TOM1L2: variants seen among roughly 807,000 people sequenced by gnomAD.
TOM1L2 encodes the protein target of myb1 like 2 membrane trafficking protein.
In TOM1L2, 31 loss-of-function variants were observed where a neutral mutation model predicts 67.9. That is an observed-to-expected ratio of 0.46 (90% CI 0.34 to 0.62). The LOEUF is 0.62. Ranked by LOEUF, TOM1L2 falls within the 20% of genes least tolerant of loss-of-function variation. The probability of loss-of-function intolerance (pLI) is 0.01; values close to 1 mark genes in which losing one functional copy is unlikely to be tolerated. For synonymous variants in TOM1L2, 256 were observed against 254.0 expected (o/e 1.01, Z -0.07); for missense variants, 606 against 663.5 (o/e 0.91, Z 0.95).
chr17:17,913,534 G>A (rs1053710755), intron 1 of TOM1L2, among the ~76,000 whole-genome samples: 2 of 152,144 alleles, frequency 1.3e-5, no homozygotes, highest in Non-Finnish European at 2.9e-5. Flanking sequence ...ACTGATTTGA[G>A]CTCCTCTGTC....
chr17:17,881,114 C>T (rs551671147), intron 6 of TOM1L2, among the ~76,000 whole-genome samples: 1 of 152,308 alleles, frequency 6.6e-6, no homozygotes, highest in South Asian at 2.1e-4. Context: ...GAGACAGGGA[C>T]AGGAGACCTC....
intron 12 of TOM1L2, 117 bp downstream of exon 12, chr17:17,861,358 AG>A: frequency 2.1e-6 from 2 of 930,626 alleles, no homozygotes; most frequent in Non-Finnish European, 1.7e-6. Context: ...TCTCTCCCCC[AG>A]GGTGTCCCTG....
intron 3 of TOM1L2, among the ~76,000 whole-genome samples, chr17:17,897,476 G>C (rs1183223939): frequency 6.6e-6 from 1 of 152,190 alleles, no homozygotes; most frequent in Non-Finnish European, 1.5e-5. Flanking sequence ...CAGAGAAGTT[G>C]ACCTGGTGAC....
chr17:17,898,127 T>A (rs1162767495), intron 3 of TOM1L2, among the ~76,000 whole-genome samples: 1 of 152,100 alleles, frequency 6.6e-6, no homozygotes, highest in Non-Finnish European at 1.5e-5. Flanking sequence ...GGTTTCACTA[T>A]GTTGGCCAGG....
At chr17:17,940,402 T>A (rs900915904) in intron 1 of TOM1L2, among the ~76,000 whole-genome samples, 2 of 152,050 alleles carry the variant, frequency 1.3e-5, no homozygotes, top group African/African-American at 4.8e-5. Context: ...CAGAAAAGTA[T>A]GATAACTTGT....
At chr17:17,958,737 T>C (rs2041568996) in intron 1 of TOM1L2, among the ~76,000 whole-genome samples, 1 of 152,194 alleles carries the variant, frequency 6.6e-6, no homozygotes, top group Non-Finnish European at 1.5e-5. Context: ...CCAAAACCCC[T>C]GGAATCTCCT....
intron 1 of TOM1L2, among the ~76,000 whole-genome samples, chr17:17,946,277 TCA>T (rs10538817): frequency 0.49 from 73,965 of 151,806 alleles, 19,033 homozygotes; most frequent in East Asian, 0.86. Context: ...GTACATATAT[TCA>T]CAGAGTTGTG....
chr17:17,847,923 C>T (rs1487026796), intron 14 of TOM1L2, 140 bp from the exon 15 acceptor site: 35 of 1,095,554 alleles, frequency 3.2e-5, no homozygotes, highest in South Asian at 2.7e-5. Flanking sequence ...GGGAGGGGTT[C>T]GTGAGCTGCA....
At chr17:17,886,498 T>G (rs1244810890) in intron 4 of TOM1L2, among the ~76,000 whole-genome samples, 1 of 152,230 alleles carries the variant, frequency 6.6e-6, no homozygotes, top group African/African-American at 2.4e-5. Context: ...CTCCACCTGG[T>G]TCAAAATCCA....
intron 7 of TOM1L2, among the ~76,000 whole-genome samples, chr17:17,871,182 A>AT (rs1193106160): frequency 6.6e-6 from 1 of 151,048 alleles, no homozygotes; most frequent in Non-Finnish European, 1.5e-5. Context: ...CATCCTGGCT[A>AT]ATACGGTGAA....
intron 1 of TOM1L2, among the ~76,000 whole-genome samples, chr17:17,963,913 ATCG>A (rs2041787809): frequency 6.6e-6 from 1 of 152,228 alleles, no homozygotes; most frequent in African/African-American, 2.4e-5. Flanking sequence ...ATCTCATTTA[ATCG>A]TCACAAAAAC....
intron 1 of TOM1L2, among the ~76,000 whole-genome samples, chr17:17,958,545 C>T (rs2041559433): frequency 6.6e-6 from 1 of 152,122 alleles, no homozygotes; most frequent in Non-Finnish European, 1.5e-5. Context: ...GACTTACTAC[C>T]CCATGCTTAC....
chr17:17,911,722 T>C (rs531268564), intron 1 of TOM1L2, among the ~76,000 whole-genome samples: 33 of 149,942 alleles, frequency 2.2e-4, no homozygotes, highest in African/African-American at 6.9e-4. Flanking sequence ...GGCAGGGTCA[T>C]AGGACAATAG....
At chr17:17,962,927 C>CTCCA (rs2041746315) in intron 1 of TOM1L2, among the ~76,000 whole-genome samples, 1 of 150,846 alleles carries the variant, frequency 6.6e-6, no homozygotes, top group Admixed American at 6.6e-5. Flanking sequence ...TGCCACTGCA[C>CTCCA]TCCAGCCTGG....
chr17:17,850,748 G>A (rs541246071), intron 13 of TOM1L2, 145 bp downstream of exon 13: 2 of 825,926 alleles, frequency 2.4e-6, no homozygotes, highest in African/African-American at 1.7e-5. Context: ...GGGGAGGAGG[G>A]GCAGCTATGG....
chr17:17,950,343 G>C (rs2041146545), intron 1 of TOM1L2, among the ~76,000 whole-genome samples: 1 of 151,758 alleles, frequency 6.6e-6, no homozygotes, highest in South Asian at 2.1e-4. Context: ...ATTTTTAGTA[G>C]AGACAGGGTT....
intron 4 of TOM1L2, among the ~76,000 whole-genome samples, chr17:17,893,038 AAG>A (rs2038374620): frequency 6.6e-6 from 1 of 152,232 alleles, no homozygotes; most frequent in African/African-American, 2.4e-5. Context: ...CACAGAAACT[AAG>A]AGATAATGAA....
rs577272955 is a variant in TOM1L2, at chr17:17,891,363, T to G, written c.366+2298A>C. ...ACCTGTCTGAGGTTAGCAGCAGGAC[T>G]GGGTAAAAGCTAGGAGGAGCTGGAA... is the stretch of plus-strand genomic sequence containing the variant. On this transcript the variant is annotated intron_variant, in intron 4 of 14. Transcript: ENST00000379504. Among the ~76,000 whole-genome samples, 6 of 152,278 alleles carry G rather than the reference T, an allele frequency of 3.9e-5. No individual in the cohort carries two copies. The South Asian group carries it at 1.2e-3, about 32-fold the overall frequency.
intron 8 of TOM1L2, among the ~76,000 whole-genome samples, chr17:17,868,157 A>C (rs939670289): frequency 6.6e-6 from 1 of 152,206 alleles, no homozygotes; most frequent in African/African-American, 2.4e-5. Context: ...ATGGCAAGAC[A>C]AAGGGGCCTC....
Sources: allele counts gnomAD v4.1 joint callset (sites outside exome capture counted in the v4.1 genomes callset), GRCh38; gene constraint gnomAD v4.1.1; transcripts MANE v1.5; gene names NCBI Gene and HGNC (gene_info 2026-07-23, HGNC 2026-07-21).